The following ZNF469 variants were observed in gnomAD, a reference collection of about 807,000 sequenced individuals.
The protein encoded by ZNF469 is zinc finger protein 469.
Under a neutral mutation model 1.0 loss-of-function variants are expected in ZNF469, and 1 was observed. That is an observed-to-expected ratio of 1.00 (90% confidence interval 0.35 to 4.73). The LOEUF is 4.73. Ranked by LOEUF, ZNF469 falls within the 30% of genes most tolerant of loss-of-function variation. ZNF469 has a pLI of 0.16. For missense variants in ZNF469, 6,100 were observed against 5,356.3 expected, an observed-to-expected ratio of 1.14 and a Z score of -4.33; for synonymous variants, 2,703 against 2,363.4, an observed-to-expected ratio of 1.14 and a Z score of -4.17.
the ZNF469 span, among the ~76,000 whole-genome samples, chr16:88,242,238 G>A: frequency 3.3e-5 from 5 of 152,222 alleles, no homozygotes; most frequent in South Asian, 1.0e-3. Context: ...CTCATCAGCG[G>A]CTTCTCATCC....
the ZNF469 span, among the ~76,000 whole-genome samples, chr16:88,229,579 T>TGATGCCACACGTGTG: frequency 1.3e-3 from 79 of 59,838 alleles, no homozygotes; most frequent in Non-Finnish European, 2.5e-3. Flanking sequence ...GCTTGTGCGC[T>TGATGCCACACGTGTG]GATGTCACGC....
At chr16:88,309,864 T>C in the ZNF469 span, among the ~76,000 whole-genome samples, 1 of 152,222 alleles carries the variant, frequency 6.6e-6, no homozygotes, top group African/African-American at 2.4e-5. Context: ...AGGGCCACTC[T>C]GTTAAGGCAG....
chr16:88,394,120 A>C (rs78512789), intron 1 of ZNF469, among the ~76,000 whole-genome samples: 2 of 101,416 alleles, frequency 2.0e-5, no homozygotes, highest in Non-Finnish European at 2.2e-5. Context: ...GTCTGAGAGG[A>C]GCGGGGTTTG....
chr16:88,178,261 G>C, the ZNF469 span: 1 of 152,128 alleles, frequency 6.6e-6, no homozygotes, highest in African/African-American at 2.4e-5. Flanking sequence ...AATGAGAGAG[G>C]GGAGGGAGGA....
chr16:88,195,001 G>A, the ZNF469 span: 2 of 152,222 alleles, frequency 1.3e-5, no homozygotes, highest in African/African-American at 2.4e-5. Context: ...AGAACTCTGG[G>A]CCACGTAGGC....
the ZNF469 span, among the ~76,000 whole-genome samples, chr16:88,207,559 C>T: frequency 7.4e-5 from 11 of 148,806 alleles, no homozygotes; most frequent in South Asian, 4.4e-4. Flanking sequence ...GCTCCAACAA[C>T]GAACCACAAA....
In ZNF469 at chr16:88,434,847, G is replaced by C. The variant is rs758555802; in HGVS notation, c.7377G>C (p.Glu2459Asp). 2.6e-6 allele frequency: 4 copies of C among 1,550,346 alleles called. No homozygotes were observed. Among genetic ancestry groups the C allele is most frequent in the Non-Finnish European group, 8.7e-7 (1 of 1,146,986 alleles). ...ATAAAAAGAAGCCTGCATCTACAGA[G>C]AACGGCCAGTGGAAGGGCCAAGCTC... is the stretch of plus-strand genomic sequence containing the variant. ...RGYKKKPAST[E>D]NGQWKGQAPH... The change falls in exon 3 of 3, where the codon GAG becomes GAC. Residue 2459 changes from glutamate (E) to aspartate (D), a missense_variant. Physicochemically the swap from Glu to Asp is conservative, Grantham distance 45. Transcript: ENST00000565624.
the ZNF469 span, among the ~76,000 whole-genome samples, chr16:88,148,296 G>T: frequency 6.6e-6 from 1 of 152,106 alleles, no homozygotes; most frequent in Non-Finnish European, 1.5e-5. Context: ...ACCCCCATGG[G>T]GCCTGCAGCA....
At chr16:88,143,525 C>T in the ZNF469 span, among the ~76,000 whole-genome samples, 4 of 152,148 alleles carry the variant, frequency 2.6e-5, no homozygotes, top group African/African-American at 7.2e-5. Flanking sequence ...CCCCCACCTT[C>T]GGGCCTCTGC....
chr16:88,433,418 G>A lies in ZNF469; in HGVS notation c.5948G>A (p.Trp1983Ter). The change falls in exon 3 of 3, where the codon TGG becomes TAG. Residue 1983 changes from tryptophan (W) to a stop codon, truncating the protein, a stop_gained. Transcript: ENST00000565624. LOFTEE classifies it low-confidence loss of function (END_TRUNC). ...CTGGGGCTGGAGGCAGATGGACATT[G>A]GGGCTTGCTTGGCCAAGCCGAGAAA... is the stretch of plus-strand genomic sequence containing the variant. The part of the protein sequence containing the change: ...HQLGLEADGH[W>*]GLLGQAEKTQ... 1 of 1,550,354 alleles carries A rather than the reference G, an allele frequency of 6.5e-7. No homozygotes were observed.
the ZNF469 span, among the ~76,000 whole-genome samples, chr16:88,356,469 T>C: frequency 6.6e-6 from 1 of 151,324 alleles, no homozygotes; most frequent in Non-Finnish European, 1.5e-5. Flanking sequence ...GACGTGTGCC[T>C]GTGTGTGTGT....
chr16:88,275,126 C>T, the ZNF469 span, among the ~76,000 whole-genome samples: 3 of 152,154 alleles, frequency 2.0e-5, no homozygotes, highest in Non-Finnish European at 2.9e-5. Flanking sequence ...AACCTGGAAA[C>T]GATTAATTAA....
chr16:88,415,967 C>T (rs761643372), intron 1 of ZNF469, among the ~76,000 whole-genome samples: 1 of 152,232 alleles, frequency 6.6e-6, no homozygotes, highest in Non-Finnish European at 1.5e-5. Flanking sequence ...AGTGCGGACA[C>T]CCCATCCCCA....
the ZNF469 span, among the ~76,000 whole-genome samples, chr16:88,115,663 C>CCTCCAGAGG: frequency 6.7e-6 from 1 of 149,792 alleles, no homozygotes; most frequent in African/African-American, 2.5e-5. Flanking sequence ...AGCCGTACTC[C>CCTCCAGAGG]CTCTGGAGGC....
chr16:88,107,080 G>T, the ZNF469 span, among the ~76,000 whole-genome samples: 1 of 152,186 alleles, frequency 6.6e-6, no homozygotes, highest in Non-Finnish European at 1.5e-5. Context: ...GCGTGCCTCG[G>T]CTCTCTCAGG....
At chr16:88,271,775 C>T in the ZNF469 span, among the ~76,000 whole-genome samples, 4 of 151,336 alleles carry the variant, frequency 2.6e-5, no homozygotes, top group Non-Finnish European at 5.9e-5. Context: ...GGCTGGGGCA[C>T]AGTGTCAGAT....
intron 1 of ZNF469, among the ~76,000 whole-genome samples, chr16:88,398,560 TGC>T (rs1904762767): frequency 1.3e-5 from 1 of 78,456 alleles, no homozygotes; most frequent in South Asian, 3.4e-4. Flanking sequence ...ATGAAGAGAA[TGC>T]GCGAGCCACA....
At position 88,429,073 on chromosome 16, in the gene ZNF469, C is replaced by G. The variant is rs1478054934; in HGVS notation, c.1603C>G (p.Pro535Ala). The change falls in exon 3 of 3, where the codon CCA becomes GCA. Residue 535 changes from proline (P) to alanine (A), a missense_variant. By Grantham distance (27) the Pro-to-Ala change is conservative. Coordinates refer to ENST00000565624, the MANE Select transcript of ZNF469 (RefSeq NM_001367624.2). ...GKTPGPREKL[P>A]AVRSSQGGSP... ...GACACCGGGACCCAGAGAGAAGCTG[C>G]CAGCCGTGAGAAGCAGCCAGGGCGG... 1.9e-6 allele frequency: 3 copies of G among 1,549,884 alleles called. No individual in the cohort carries two copies. Among genetic ancestry groups the G allele is most frequent in the African/African-American group, 1.4e-5 (1 of 73,022 alleles).
upstream of ZNF469, among the ~76,000 whole-genome samples, chr16:88,381,736 G>A (rs894393388): frequency 2.0e-5 from 3 of 152,198 alleles, no homozygotes; most frequent in Admixed American, 6.5e-5. Flanking sequence ...TCACGTTTTC[G>A]CGTCCACTGG....
Sources: gnomAD v4.1 joint callset for allele counts (sites outside exome capture counted in the v4.1 genomes callset) on GRCh38, gnomAD v4.1.1 for gene constraint, MANE v1.5 for transcripts, NCBI Gene and HGNC (gene_info 2026-07-23, HGNC 2026-07-21) for gene names.